EPHB1: variants seen among roughly 807,000 people sequenced by gnomAD.
The protein encoded by EPHB1 is EPH receptor B1.
A neutral mutation model predicts 94.4 loss-of-function variants in EPHB1; 30 were observed. That is an observed-to-expected ratio of 0.32 (90% CI 0.24 to 0.43). The LOEUF is 0.43. Among genes scored for constraint, EPHB1 ranks in the 20% least tolerant of loss-of-function variants. The pLI, the probability that EPHB1 is intolerant of heterozygous loss-of-function variation, is 1.00. For missense variants in EPHB1, 1,055 were observed against 1,308.3 expected, an observed-to-expected ratio of 0.81 and a Z score of 2.99; for synonymous variants, 522 against 489.1, an observed-to-expected ratio of 1.07 and a Z score of -0.89.
At chr3:135,047,852 G>A (rs1467168353) in intron 3 of EPHB1, among the ~76,000 whole-genome samples, 3 of 152,132 alleles carry the variant, frequency 2.0e-5, no homozygotes, top group Non-Finnish European at 4.4e-5. Context: ...TTGACAAATG[G>A]TGGAGATGAT....
In EPHB1 at chr3:134,933,617, C is replaced by T. The variant is rs570166546; in HGVS notation, c.123+7737C>T. ...ATAGCCAGGCACACATGAATCCTCA[C>T]AGTAGCCCCATTTTACAGATGAGGA... On this transcript the variant is annotated intron_variant, in intron 2 of 15. Coordinates refer to ENST00000398015, the MANE Select transcript of EPHB1 (RefSeq NM_004441.5). 5.3e-5 allele frequency among the ~76,000 whole-genome samples: 8 copies of T among 152,294 alleles called. No homozygotes were observed. In the South Asian group the frequency reaches 8.3e-4, roughly 16 times the overall value.
intron 1 of EPHB1, among the ~76,000 whole-genome samples, chr3:134,856,520 T>C (rs1278406734): frequency 6.6e-6 from 1 of 152,226 alleles, no homozygotes; most frequent in Non-Finnish European, 1.5e-5. Flanking sequence ...TTACTGTATA[T>C]TTCTGCCTGC....
At chr3:134,988,800 G>C (rs939387345) in intron 3 of EPHB1, among the ~76,000 whole-genome samples, 3 of 152,154 alleles carry the variant, frequency 2.0e-5, no homozygotes, top group Admixed American at 1.3e-4. Context: ...TTCTGTTCTA[G>C]GATATTCAGG....
chr3:134,900,631 A>G (rs910224582), intron 1 of EPHB1, among the ~76,000 whole-genome samples: 2 of 152,202 alleles, frequency 1.3e-5, no homozygotes. Flanking sequence ...AGAGATGGGA[A>G]AAAGCATGTG....
intron 10 of EPHB1, among the ~76,000 whole-genome samples, chr3:135,185,918 C>G (rs1248940869): frequency 2.0e-5 from 3 of 152,240 alleles, no homozygotes; most frequent in Admixed American, 6.5e-5. Context: ...GCTACAAAGA[C>G]TGTCCCACAT....
chr3:134,855,375 T>C (rs139402454), intron 1 of EPHB1, among the ~76,000 whole-genome samples: 16 of 152,320 alleles, frequency 1.1e-4, no homozygotes, highest in Non-Finnish European at 2.1e-4. Context: ...GGGCTGCCTC[T>C]GGTCCTTGAG....
rs1942386245 is a variant in EPHB1 at position 135,188,447 on chromosome 3, A to G, written c.1883-4129A>G. The stretch of plus-strand genomic sequence containing the variant: ...AAGGCCGAGATTGCAGTGAGTCGAG[A>G]TCACGCCACTGCAATCCAGCCTGGG... On this transcript the variant is annotated intron_variant, in intron 10 of 15. Transcript: ENST00000398015. Among the ~76,000 whole-genome samples the G allele has an allele frequency of 3.3e-5, 5 of 152,190 alleles. 1 individual carries two copies. The highest frequency in any genetic ancestry group is 3.3e-4 in the Admixed American group (5 of 15,282).
chr3:135,006,750 G>A (rs150312464), intron 3 of EPHB1, among the ~76,000 whole-genome samples: 12 of 152,248 alleles, frequency 7.9e-5, no homozygotes, highest in Non-Finnish European at 1.3e-4. Flanking sequence ...ATATCTATAC[G>A]GTACATTCCC....
At chr3:135,155,047 T>G (rs1205610727) in intron 6 of EPHB1, among the ~76,000 whole-genome samples, 2 of 152,234 alleles carry the variant, frequency 1.3e-5, no homozygotes, top group South Asian at 2.1e-4. Flanking sequence ...TGACAGGCAC[T>G]ATTCTAGGAT....
intron 3 of EPHB1, among the ~76,000 whole-genome samples, chr3:135,030,896 C>G (rs149156426): frequency 4.6e-5 from 7 of 152,178 alleles, no homozygotes; most frequent in South Asian, 4.1e-4. Context: ...GTAGGACCCT[C>G]GGAGCCAGGT....
At chr3:135,157,475 G>T (rs762380640) in intron 6 of EPHB1, among the ~76,000 whole-genome samples, 20 of 152,112 alleles carry the variant, frequency 1.3e-4, no homozygotes, top group Non-Finnish European at 2.6e-4. Flanking sequence ...TCCCATTCAG[G>T]CTACCTCCCT....
chr3:135,131,972 TTGAGA>T (rs1319825358), intron 4 of EPHB1, among the ~76,000 whole-genome samples: 4 of 152,314 alleles, frequency 2.6e-5, no homozygotes, highest in African/African-American at 9.6e-5. Context: ...TTCTATTAAA[TTGAGA>T]TAATTATTTT....
At chr3:134,953,353 G>C (rs150054893) in intron 3 of EPHB1, among the ~76,000 whole-genome samples, 19 of 152,232 alleles carry the variant, frequency 1.2e-4, no homozygotes, top group African/African-American at 4.3e-4. Flanking sequence ...CTGCGCCTTT[G>C]TGTCTTTATT....
chr3:134,933,653 C>T (rs1025748733), intron 2 of EPHB1, among the ~76,000 whole-genome samples: 7 of 152,144 alleles, frequency 4.6e-5, no homozygotes, highest in East Asian at 1.9e-4. Context: ...AACTAAAGCA[C>T]GGAGCAGCTG....
At chr3:135,049,151 C>T (rs1355098002) in intron 3 of EPHB1, among the ~76,000 whole-genome samples, 1 of 152,184 alleles carries the variant, frequency 6.6e-6, no homozygotes, top group African/African-American at 2.4e-5. Flanking sequence ...AGAGAGATGC[C>T]TTGCCATTGA....
intron 3 of EPHB1, among the ~76,000 whole-genome samples, chr3:135,003,133 T>C (rs1443370982): frequency 1.3e-5 from 2 of 151,526 alleles, no homozygotes; most frequent in African/African-American, 4.8e-5. Flanking sequence ...GCTTTGAATG[T>C]GTCCCAGAGA....
intron 3 of EPHB1, among the ~76,000 whole-genome samples, chr3:135,102,925 A>G (rs1177621285): frequency 1.3e-5 from 2 of 152,154 alleles, no homozygotes; most frequent in Non-Finnish European, 2.9e-5. Flanking sequence ...GAGTTGAACA[A>G]TGAGAACACA....
At chr3:134,939,512 A>G (rs1309357364) in intron 2 of EPHB1, among the ~76,000 whole-genome samples, 1 of 152,222 alleles carries the variant, frequency 6.6e-6, no homozygotes, top group Non-Finnish European at 1.5e-5. Flanking sequence ...TGGTTGGTGT[A>G]GTAAATGGTA....
At chr3:134,992,196 G>T (rs1328205227) in intron 3 of EPHB1, among the ~76,000 whole-genome samples, 1 of 152,128 alleles carries the variant, frequency 6.6e-6, no homozygotes, top group African/African-American at 2.4e-5. Flanking sequence ...GTGATTTATG[G>T]TGCTGGGACA....
Sources: allele counts gnomAD v4.1 joint callset (sites outside exome capture counted in the v4.1 genomes callset), GRCh38; gene constraint gnomAD v4.1.1; transcripts MANE v1.5; gene names NCBI Gene and HGNC (gene_info 2026-07-23, HGNC 2026-07-21).